Variants in VWC2 observed in about 807,000 individuals in gnomAD.
VWC2 encodes the protein von Willebrand factor C domain containing 2.
A neutral mutation model predicts 29.8 loss-of-function variants in VWC2; 14 were observed. The ratio of observed to expected loss-of-function variants is 0.47; its 90% confidence interval spans 0.31 to 0.74. The LOEUF (loss-of-function observed/expected upper bound fraction) is 0.74, where lower values mean the gene tolerates loss of function less well. VWC2 is among the 30% of genes least tolerant of loss of function. The pLI, the probability that VWC2 is intolerant of heterozygous loss-of-function variation, is 0.05. For missense variants in VWC2, 457 were observed against 459.8 expected (o/e 0.99, Z 0.05); for synonymous variants, 213 against 199.0 (o/e 1.07, Z -0.59).
Position 49,913,603 on chromosome 7 carries a change from T to C in VWC2, c.*1418T>C, listed in dbSNP as rs1181125871. 1 of 152,178 alleles carries C rather than the reference T, an allele frequency of 6.6e-6. No individual in the cohort carries two copies. The highest frequency in any genetic ancestry group is 1.5e-5 in the Non-Finnish European group (1 of 68,022). The allele number at this position is 152,178 out of a possible 1,614,324, so 9.4% of individuals were successfully genotyped here. A position where few individuals can be genotyped will look rare whatever the true frequency, so the allele number is the denominator to read the frequency against. On this transcript the variant is annotated 3_prime_UTR_variant, in exon 4 of 4. Transcript: ENST00000340652. ...TAAGAACCTATTAAGTACAAAGCAT[T>C]GACAACAAGGGAATAAGGCTTGATT...
intron 3 of VWC2, among the ~76,000 whole-genome samples, chr7:49,908,910 C>T (rs773875006): frequency 6.6e-6 from 1 of 152,114 alleles, no homozygotes. Flanking sequence ...TTATATTCTA[C>T]AGTAAAATGC....
Position 49,864,073 on chromosome 7 carries a change from TTTG to T in VWC2, c.827-47942_827-47940del, listed in dbSNP as rs143006334. Among the ~76,000 whole-genome samples the T allele has an allele frequency of 8.3e-3, 1,262 of 152,066 alleles. 10 individuals are homozygous for T. The highest frequency in any genetic ancestry group is 0.019 in the African/African-American group (808 of 41,490). ...GCCCTTCTTCCAGAGGTCTCCTGTT[TTTG>T]TTGTTGTTGTTGTTGTTGCGGGCTG... On this transcript the variant is annotated intron_variant, in intron 3 of 3. Coordinates refer to ENST00000340652, the MANE Select transcript of VWC2 (RefSeq NM_198570.5).
chr7:49,875,883 C>T (rs1360642123), intron 3 of VWC2, among the ~76,000 whole-genome samples: 2 of 152,170 alleles, frequency 1.3e-5, no homozygotes, highest in Admixed American at 6.5e-5. Context: ...TTTCTCACCA[C>T]TTTGTCCCTG....
rs1160968242 is a variant in VWC2, at chr7:49,908,124, T to C, written c.827-3910T>C. 3.3e-5 allele frequency among the ~76,000 whole-genome samples: 5 copies of C among 152,252 alleles called. No individual in the cohort carries two copies. The East Asian group carries it at 9.6e-4, about 29-fold the overall frequency. ...TCAGGGACCACTGTCTGTCATGTGATGCCAATACTAGAGTCAGGCTGGAAT... is the reference window on the plus strand; with the variant it reads ...TCAGGGACCACTGTCTGTCATGTGACGCCAATACTAGAGTCAGGCTGGAAT... On this transcript the variant is annotated intron_variant, in intron 3 of 3. Coordinates refer to ENST00000340652, the MANE Select transcript of VWC2 (RefSeq NM_198570.5).
chr7:49,775,404 CCG>C lies in VWC2; in HGVS notation c.-30_-29del. On this transcript the variant is annotated 5_prime_UTR_variant, in exon 2 of 4. An upstream open reading frame in the 5' UTR loses its in-frame stop. Coordinates refer to ENST00000340652, the MANE Select transcript of VWC2 (RefSeq NM_198570.5). ...GCGACTCGCCCCTCGGCCGCGCTCC[CCG>C]CCCGCCCGCCCGCCGGGACGTGGTA... 1 of 960,952 alleles carries C rather than the reference CCG, an allele frequency of 1.0e-6. No homozygotes were observed. Among genetic ancestry groups the C allele is most frequent in the Non-Finnish European group, 1.4e-6 (1 of 731,332 alleles). 59.5% of individuals were successfully genotyped at this position (960,952 alleles called of 1,614,324 possible). A position where few individuals can be genotyped will look rare whatever the true frequency, so the allele number is the denominator to read the frequency against.
intron 3 of VWC2, among the ~76,000 whole-genome samples, chr7:49,819,360 C>G (rs1789215992): frequency 6.6e-6 from 1 of 152,184 alleles, no homozygotes; most frequent in South Asian, 2.1e-4. Flanking sequence ...CGCTCACAGT[C>G]TTGGGTGACA....
At chr7:49,804,963 T>C (rs1788840433) in intron 3 of VWC2, among the ~76,000 whole-genome samples, 1 of 152,238 alleles carries the variant, frequency 6.6e-6, no homozygotes, top group Non-Finnish European at 1.5e-5. Flanking sequence ...TTAGGATTTA[T>C]CCTTCTTAGA....
In VWC2 at chr7:49,913,993, A is replaced by G. The variant is rs1793593753; in HGVS notation, c.*1808A>G. ...GTACATAGATTTCATGAAAATACTC[A>G]GGGGAATTATTAGCTAATTGTTCTC... On this transcript the variant is annotated 3_prime_UTR_variant, in exon 4 of 4. Coordinates refer to ENST00000340652, the MANE Select transcript of VWC2 (RefSeq NM_198570.5). 1 of 152,234 alleles carries G rather than the reference A, an allele frequency of 6.6e-6. No individual in the cohort carries two copies. Among genetic ancestry groups the G allele is most frequent in the Admixed American group, 6.5e-5 (1 of 15,282 alleles). 9.4% of individuals were successfully genotyped at this position (152,234 alleles called of 1,614,324 possible).
At chr7:49,906,001 G>A (rs981827981) in intron 3 of VWC2, among the ~76,000 whole-genome samples, 11 of 152,014 alleles carry the variant, frequency 7.2e-5, no homozygotes, top group African/African-American at 2.4e-4. Context: ...TCTGTGAATT[G>A]CCCACCCTTT....
chr7:49,869,143 T>A (rs1278091277), intron 3 of VWC2, among the ~76,000 whole-genome samples: 1 of 152,320 alleles, frequency 6.6e-6, no homozygotes, highest in East Asian at 1.9e-4. Flanking sequence ...GTTATGTGCT[T>A]AAACACTACA....
At chr7:49,879,000 T>C (rs1791561843) in intron 3 of VWC2, among the ~76,000 whole-genome samples, 1 of 152,204 alleles carries the variant, frequency 6.6e-6, no homozygotes, top group Admixed American at 6.5e-5. Flanking sequence ...TTTATGTCAC[T>C]GTGTATTCTC....
At chr7:49,809,306 CAAATTACCA>C (rs1788947055) in intron 3 of VWC2, among the ~76,000 whole-genome samples, 1 of 151,874 alleles carries the variant, frequency 6.6e-6, no homozygotes, top group Non-Finnish European at 1.5e-5. Flanking sequence ...TAGGAAAACA[CAAATTACCA>C]AAACTGACTC....
chr7:49,875,332 T>G (rs993460188), intron 3 of VWC2, among the ~76,000 whole-genome samples: 8 of 111,098 alleles, frequency 7.2e-5, no homozygotes, highest in East Asian at 3.2e-4. Context: ...ATCACACCAC[T>G]GCTCTCCAGC....
chr7:49,789,163 ATGTG>A (rs1413597903), intron 2 of VWC2, among the ~76,000 whole-genome samples: 112 of 124,490 alleles, frequency 9.0e-4, no homozygotes, highest in African/African-American at 2.8e-3. Flanking sequence ...GTGTGGCTGT[ATGTG>A]TGTGTTAGCA....
chr7:49,838,111 G>A (rs1052766334), intron 3 of VWC2, among the ~76,000 whole-genome samples: 1 of 152,198 alleles, frequency 6.6e-6, no homozygotes, highest in Non-Finnish European at 1.5e-5. Flanking sequence ...TAGCTAGGGG[G>A]ACAGAGGACT....
chr7:49,846,519 T>C (rs888704363), intron 3 of VWC2, among the ~76,000 whole-genome samples: 1 of 152,196 alleles, frequency 6.6e-6, no homozygotes, highest in East Asian at 1.9e-4. Flanking sequence ...CTTCCAAATT[T>C]GGCCATGGCC....
At chr7:49,785,410 GTCTGCTTAGAAT>G (rs985836614) in intron 2 of VWC2, among the ~76,000 whole-genome samples, 33 of 152,328 alleles carry the variant, frequency 2.2e-4, no homozygotes, top group African/African-American at 6.5e-4. Flanking sequence ...CTAGTTGAAA[GTCTGCTTAGAAT>G]TCTGCTTAGA....
chr7:49,834,208 G>A (rs1036062601), intron 3 of VWC2, among the ~76,000 whole-genome samples: 1 of 152,166 alleles, frequency 6.6e-6, no homozygotes, highest in Admixed American at 6.5e-5. Context: ...GAATATCACC[G>A]TGTGGGTTAT....
intron 2 of VWC2, among the ~76,000 whole-genome samples, chr7:49,794,822 T>G (rs1277934891): frequency 2.0e-5 from 3 of 152,216 alleles, no homozygotes; most frequent in Non-Finnish European, 2.9e-5. Context: ...CTCTTGTCTA[T>G]GTGGTCCTCT....
Sources: gnomAD v4.1 joint callset for allele counts (sites outside exome capture counted in the v4.1 genomes callset) on GRCh38, gnomAD v4.1.1 for gene constraint, MANE v1.5 for transcripts, NCBI Gene and HGNC (gene_info 2026-07-23, HGNC 2026-07-21) for gene names.